Variants in RBFOX1 observed in about 807,000 individuals in gnomAD.
RBFOX1 encodes the protein RNA binding protein fox-1 homolog 1.
A neutral mutation model predicts 57.7 loss-of-function variants in RBFOX1; 8 were observed. That is an observed-to-expected ratio of 0.14 (90% CI 0.08 to 0.25). RBFOX1 has a LOEUF of 0.25. RBFOX1 is among the 10% of genes least tolerant of loss of function. RBFOX1 has a pLI of 1.00. For synonymous variants in RBFOX1, 326 were observed against 222.4 expected (o/e 1.47, Z -4.15); for missense variants, 611 against 548.5 (o/e 1.11, Z -1.14).
intron 5 of RBFOX1, among the ~76,000 whole-genome samples, chr16:7,559,188 A>C (rs76509500): frequency 0.025 from 3,836 of 152,286 alleles, 184 homozygotes; most frequent in African/African-American, 0.088. Flanking sequence ...TGTAATCTCA[A>C]ATTCAATATA....
intron 4 of RBFOX1, among the ~76,000 whole-genome samples, chr16:7,497,993 T>C (rs2069259067): frequency 1.3e-5 from 2 of 152,206 alleles, no homozygotes; most frequent in Non-Finnish European, 2.9e-5. Flanking sequence ...AGCTTTTACC[T>C]CTCCTGTCCC....
At chr16:7,139,769 T>G (rs140597696) in intron 4 of RBFOX1, among the ~76,000 whole-genome samples, 3 of 152,268 alleles carry the variant, frequency 2.0e-5, no homozygotes, top group African/African-American at 7.2e-5. Flanking sequence ...TCTTTTTTTT[T>G]TAAGTTCATC....
At chr16:6,654,997 A>ATT (rs3045265) in intron 3 of RBFOX1, among the ~76,000 whole-genome samples, 1 of 149,468 alleles carries the variant, frequency 6.7e-6, no homozygotes, top group East Asian at 2.0e-4. Context: ...ATGTATAATT[A>ATT]ATTATATTAT....
At chr16:6,984,277 C>T (rs957925724) in intron 3 of RBFOX1, among the ~76,000 whole-genome samples, 2 of 151,996 alleles carry the variant, frequency 1.3e-5, no homozygotes, top group East Asian at 1.9e-4. Flanking sequence ...CCTGGATCCT[C>T]CTGTACTACC....
chr16:7,435,543 T>C (rs1269110338), intron 4 of RBFOX1, among the ~76,000 whole-genome samples: 1 of 152,178 alleles, frequency 6.6e-6, no homozygotes, highest in Non-Finnish European at 1.5e-5. Flanking sequence ...AGGCTTCACC[T>C]CCTTGAAGCA....
intron 4 of RBFOX1, among the ~76,000 whole-genome samples, chr16:7,395,392 G>A (rs879891578): frequency 1.3e-5 from 2 of 152,172 alleles, no homozygotes; most frequent in African/African-American, 2.4e-5. Context: ...GAGATAAGCC[G>A]CTTTGTTCAG....
At chr16:7,427,196 A>G (rs79620274) in intron 4 of RBFOX1, among the ~76,000 whole-genome samples, 1 of 152,312 alleles carries the variant, frequency 6.6e-6, no homozygotes, top group Non-Finnish European at 1.5e-5. Context: ...GCACACCAAC[A>G]TGGCACATGT....
intron 2 of RBFOX1, among the ~76,000 whole-genome samples, chr16:6,403,481 A>C (rs559052428): frequency 6.6e-6 from 1 of 151,954 alleles, no homozygotes; most frequent in African/African-American, 2.4e-5. Flanking sequence ...CTCCCTCCTG[A>C]ACCTCCCCAG....
chr16:5,994,932 A>T (rs1482442427), intron 4 of RBFOX1, among the ~76,000 whole-genome samples: 2 of 152,182 alleles, frequency 1.3e-5, no homozygotes, highest in African/African-American at 4.8e-5. Flanking sequence ...GCCCACAGCA[A>T]AAGTGACATC....
intron 3 of RBFOX1, among the ~76,000 whole-genome samples, chr16:6,934,663 C>G (rs932261597): frequency 2.6e-5 from 4 of 152,054 alleles, no homozygotes; most frequent in Non-Finnish European, 5.9e-5. Flanking sequence ...GTACCATATT[C>G]TCACTCATAT....
intron 3 of RBFOX1, among the ~76,000 whole-genome samples, chr16:7,003,603 AAACT>A (rs1200833529): frequency 6.6e-6 from 1 of 152,224 alleles, no homozygotes; most frequent in African/African-American, 2.4e-5. Flanking sequence ...CTCTGGAGAA[AAACT>A]AACCTCTTCC....
At chr16:7,093,923 T>A (rs1393626345) in intron 4 of RBFOX1, among the ~76,000 whole-genome samples, 1 of 151,892 alleles carries the variant, frequency 6.6e-6, no homozygotes, top group Non-Finnish European at 1.5e-5. Context: ...TTGGAAAACA[T>A]AATGGTGTGA....
intron 2 of RBFOX1, among the ~76,000 whole-genome samples, chr16:6,647,269 A>T (rs1009204297): frequency 3.3e-5 from 5 of 152,072 alleles, no homozygotes; most frequent in Admixed American, 1.3e-4. Context: ...TTTGAGATGG[A>T]ATCTTGGTCT....
intron 3 of RBFOX1, among the ~76,000 whole-genome samples, chr16:6,894,357 G>T (rs910233939): frequency 1.3e-5 from 2 of 152,106 alleles, no homozygotes; most frequent in Admixed American, 6.6e-5. Context: ...TTGACAGTCA[G>T]TCTCATGGAT....
At chr16:6,758,917 G>A (rs971706892) in intron 3 of RBFOX1, among the ~76,000 whole-genome samples, 4 of 151,762 alleles carry the variant, frequency 2.6e-5, no homozygotes, top group South Asian at 2.1e-4. Flanking sequence ...TCAGGGAGTC[G>A]GGGGGGAAAG....
chr16:7,028,568 T>A (rs1597408108), intron 3 of RBFOX1, among the ~76,000 whole-genome samples: 1 of 99,394 alleles, frequency 1.0e-5, no homozygotes, highest in South Asian at 3.6e-4. Context: ...ACCTGGGCAA[T>A]AAGAGTGAAA....
At chr16:5,955,147 C>T (rs1410963547) in intron 4 of RBFOX1, among the ~76,000 whole-genome samples, 1 of 29,344 alleles carries the variant, frequency 3.4e-5, no homozygotes. Context: ...AAAAAAAAAG[C>T]CAGGCGCACC....
At chr16:5,766,101 A>C (rs982026331) in intron 3 of RBFOX1, among the ~76,000 whole-genome samples, 3 of 152,200 alleles carry the variant, frequency 2.0e-5, no homozygotes, top group South Asian at 2.1e-4. Context: ...AGGAATACTC[A>C]AGGTTTTTGA....
At chr16:6,709,783 T>G (rs774934554) in intron 3 of RBFOX1, among the ~76,000 whole-genome samples, 9 of 152,132 alleles carry the variant, frequency 5.9e-5, no homozygotes, top group Non-Finnish European at 1.0e-4. Context: ...GCCCAGGAGA[T>G]ACTGCGGCAA....
Sources: allele counts gnomAD v4.1 joint callset (sites outside exome capture counted in the v4.1 genomes callset), GRCh38; gene constraint gnomAD v4.1.1; transcripts MANE v1.5; gene names NCBI Gene and HGNC (gene_info 2026-07-23, HGNC 2026-07-21).